Variants in NOX1 observed in about 807,000 individuals in gnomAD.
NOX1 encodes NADPH oxidase 1, also known as NADH/NADPH mitogenic oxidase subunit P65-MOX.
In NOX1, 34 loss-of-function variants were observed where a neutral mutation model predicts 42.5. The ratio of observed to expected loss-of-function variants is 0.80; its 90% confidence interval spans 0.61 to 1.07. NOX1 has a LOEUF of 1.07. NOX1 is among the 50% of genes least tolerant of loss of function. NOX1 has a pLI of 0.00. For missense variants in NOX1, 408 were observed against 427.0 expected, an observed-to-expected ratio of 0.96 and a Z score of 0.39; for synonymous variants, 143 against 152.5, an observed-to-expected ratio of 0.94 and a Z score of 0.46.
intron 7 of NOX1, among the ~76,000 whole-genome samples, chrX:100,859,977 G>A (rs5967202): frequency 0.038 from 4,142 of 110,113 alleles, 216 homozygotes; most frequent in African/African-American, 0.13. Context: ...CAGTACAATA[G>A]TAAAAAGCAA....
chrX:100,851,990 C>G (rs2147906517), intron 7 of NOX1, among the ~76,000 whole-genome samples: 2 of 111,916 alleles, frequency 1.8e-5, no homozygotes, highest in Admixed American at 1.9e-4. Context: ...ATCTAAAAAA[C>G]CAACAGAGAA....
chrX:100,872,754 C>T (rs1384205991), intron 1 of NOX1, among the ~76,000 whole-genome samples: 1 of 109,936 alleles, frequency 9.1e-6, no homozygotes, highest in Non-Finnish European at 1.9e-5. Flanking sequence ...GCTCCCCTCC[C>T]CTGCCCAATT....
chrX:100,855,055 A>T (rs1225327097), intron 7 of NOX1, among the ~76,000 whole-genome samples: 2 of 112,279 alleles, frequency 1.8e-5, no homozygotes, highest in Non-Finnish European at 3.8e-5. Context: ...CTTTGTTGGA[A>T]TGCTTTACAC....
chrX:100,843,849 G>T lies in NOX1; in HGVS notation c.*103C>A. 1 of 652,306 alleles carries T rather than the reference G, an allele frequency of 1.5e-6. No homozygotes were observed. Among genetic ancestry groups the T allele is most frequent in the Non-Finnish European group, 2.3e-6 (1 of 433,750 alleles). The allele number at this position is 652,306 out of a possible 1,213,427, so 53.8% of individuals were successfully genotyped here. On this transcript the variant is annotated 3_prime_UTR_variant, in exon 13 of 13. Coordinates refer to ENST00000372966, the MANE Select transcript of NOX1 (RefSeq NM_007052.5). ...ATACCAGGGAGTCAAGGCTTGAGAG[G>T]CACATTCTTATCCTAAAGTGACTGC...
chrX:100,849,154 A>T, intron 11 of NOX1, 126 bp downstream of exon 11: 1 of 700,067 alleles, frequency 1.4e-6, no homozygotes. Context: ...ACCACTTTTA[A>T]ACTTGTGTGT....
intron 12 of NOX1, 122 bp from the exon 13 acceptor site, chrX:100,844,200 G>A (rs2085056378): frequency 4.9e-6 from 3 of 617,865 alleles, no homozygotes; most frequent in Non-Finnish European, 7.3e-6. Flanking sequence ...TTACTCCCAC[G>A]TTCTTCATGG....
intron 12 of NOX1, among the ~76,000 whole-genome samples, chrX:100,847,633 G>T (rs954967367): frequency 9.2e-6 from 1 of 108,889 alleles, no homozygotes; most frequent in Non-Finnish European, 1.9e-5. Flanking sequence ...GGGCATGGTG[G>T]TGGGCACCTG....
intron 11 of NOX1, 152 bp from the exon 12 acceptor site, chrX:100,848,906 A>G: frequency 2.1e-6 from 1 of 479,843 alleles, no homozygotes; most frequent in Non-Finnish European, 3.3e-6. Context: ...TGAGACCCCC[A>G]TCTCTACTAA....
intron 2 of NOX1, among the ~76,000 whole-genome samples, chrX:100,868,733 C>A (rs188182574): frequency 4.3e-4 from 48 of 110,395 alleles, no homozygotes; most frequent in East Asian, 1.7e-3. Flanking sequence ...TAAAAAAAAA[C>A]CAAACTCTTT....
intron 2 of NOX1, among the ~76,000 whole-genome samples, chrX:100,868,466 C>T (rs1464067516): frequency 9.0e-6 from 1 of 111,007 alleles, no homozygotes; most frequent in East Asian, 2.8e-4. Context: ...TCCTCAACTC[C>T]GTGCTTCCTC....
intron 7 of NOX1, among the ~76,000 whole-genome samples, chrX:100,853,298 CT>C (rs1282099576): frequency 3.0e-5 from 2 of 66,763 alleles, no homozygotes; most frequent in Admixed American, 3.4e-4. Context: ...TTCTTTCTTT[CT>C]TTCTTTCTTT....
intron 8 of NOX1, among the ~76,000 whole-genome samples, chrX:100,851,032 G>T (rs958991540): frequency 2.2e-4 from 24 of 110,038 alleles, no homozygotes; most frequent in Middle Eastern, 9.3e-3. Flanking sequence ...TAGAGATGGG[G>T]TTTCGCCATG....
At chrX:100,857,058 A>G (rs574438555) in intron 7 of NOX1, among the ~76,000 whole-genome samples, 13 of 111,213 alleles carry the variant, frequency 1.2e-4, no homozygotes, top group African/African-American at 4.2e-4. Context: ...AGTAGGCCCC[A>G]GTGTGTTATT....
At chrX:100,866,945 A>T (rs2147919420) in intron 2 of NOX1, among the ~76,000 whole-genome samples, 1 of 111,513 alleles carries the variant, frequency 9.0e-6, no homozygotes, top group East Asian at 2.9e-4. Flanking sequence ...TGGGAGGCCG[A>T]GGTGGGAATA....
chrX:100,847,884 A>G (rs1237593578), intron 12 of NOX1, among the ~76,000 whole-genome samples: 1 of 110,663 alleles, frequency 9.0e-6, no homozygotes, highest in Non-Finnish European at 1.9e-5. Flanking sequence ...GGCTGATTTC[A>G]TAGCACCAGG....
intron 2 of NOX1, among the ~76,000 whole-genome samples, chrX:100,866,391 A>G (rs2085237687): frequency 9.0e-6 from 1 of 110,632 alleles, no homozygotes; most frequent in African/African-American, 3.3e-5. Context: ...AAATTTTACT[A>G]TATGAAAATG....
At chrX:100,869,083 G>A (rs186397160) in intron 2 of NOX1, among the ~76,000 whole-genome samples, 3,045 of 111,388 alleles carry the variant, frequency 0.027, 118 homozygotes, top group African/African-American at 0.095. Flanking sequence ...ATAGTTTGAA[G>A]TGAGGTAGTG....
In NOX1 at chrX:100,870,781, C is replaced by G. The variant is rs770816418; in HGVS notation, c.79G>C (p.Val27Leu). The G allele has an allele frequency of 1.7e-6, 2 of 1,194,350 alleles. No individual in the cohort carries two copies. Among genetic ancestry groups the G allele is most frequent in the African/African-American group, 3.5e-5 (2 of 57,009 alleles). Residue 27 changes from valine (V) to leucine (L), a missense_variant, in exon 2 of 13, where the codon GTG becomes CTG. Val to Leu is a conservative substitution (Grantham distance 32, BLOSUM62 1). Coordinates refer to ENST00000372966, the MANE Select transcript of NOX1 (RefSeq NM_007052.5). ...VWLGLNVFLF[V>L]DAFLKYEKAD... is the part of the protein sequence containing the mutation. The stretch of plus-strand genomic sequence containing the variant: ...TTCTCATATTTCAGGAAGGCATCCA[C>G]AAACAGGAAAACATTCAGCCCTAAC...
At chrX:100,862,127 A>T in intron 7 of NOX1, 44 bp downstream of exon 7, 1 of 1,173,558 alleles carries the variant, frequency 8.5e-7, no homozygotes, top group Middle Eastern at 2.5e-4. Flanking sequence ...TAATAACAGT[A>T]ACAGCTCCTA....
Sources: allele counts gnomAD v4.1 joint callset (sites outside exome capture counted in the v4.1 genomes callset), GRCh38; gene constraint gnomAD v4.1.1; transcripts MANE v1.5; gene names NCBI Gene and HGNC (gene_info 2026-07-23, HGNC 2026-07-21).